Variants in TFCP2 observed in about 807,000 individuals in gnomAD.
The protein encoded by TFCP2 is alpha-globin transcription factor CP2.
TFCP2 carries 33 observed loss-of-function variants against 73.4 expected under a neutral mutation model. That is an observed-to-expected ratio of 0.45 (90% CI 0.34 to 0.60). The LOEUF (loss-of-function observed/expected upper bound fraction) is 0.60, where lower values mean the gene tolerates loss of function less well. Among genes scored for constraint, TFCP2 ranks in the 20% least tolerant of loss-of-function variants. The pLI is 0.01. For missense variants in TFCP2, 352 were observed against 604.0 expected (o/e 0.58, Z 4.37); for synonymous variants, 193 against 211.6 (o/e 0.91, Z 0.76).
Position 51,099,867 on chromosome 12 carries a change from CG to C in TFCP2, c.1152-89del. 3 of 1,477,158 alleles carry C rather than the reference CG, an allele frequency of 2.0e-6. No homozygotes were observed. The African/African-American group carries it at 4.2e-5, about 21-fold the overall frequency. The allele number at this position is 1,477,158 out of a possible 1,614,324, so 91.5% of individuals were successfully genotyped here. On this transcript the variant is annotated intron_variant, in intron 11 of 14. Coordinates refer to ENST00000257915, the MANE Select transcript of TFCP2 (RefSeq NM_005653.5). ...GGAGAAATTGTGTTTCTACATTAAT[CG>C]TATAGAGCAGATGAAAATTGGAAGC...
At chr12:51,107,795 G>A (rs929481517) in intron 6 of TFCP2, among the ~76,000 whole-genome samples, 1 of 151,672 alleles carries the variant, frequency 6.6e-6, no homozygotes, top group African/African-American at 2.4e-5. Flanking sequence ...TAGTAGAGAC[G>A]GGGTTTCACC....
chr12:51,135,946 T>A (rs951599805), intron 1 of TFCP2, among the ~76,000 whole-genome samples: 3 of 152,070 alleles, frequency 2.0e-5, no homozygotes, highest in African/African-American at 7.2e-5. Flanking sequence ...CATCAAATAG[T>A]CTTTGAGCAC....
chr12:51,115,054 T>C (rs1592799190), intron 4 of TFCP2, among the ~76,000 whole-genome samples: 1 of 15,966 alleles, frequency 6.3e-5, no homozygotes, highest in Admixed American at 1.2e-3. Context: ...AGAGCGAAAC[T>C]CCATCTCAGG....
intron 1 of TFCP2, among the ~76,000 whole-genome samples, chr12:51,165,665 G>T (rs1941742630): frequency 6.6e-6 from 1 of 152,152 alleles, no homozygotes; most frequent in Non-Finnish European, 1.5e-5. Flanking sequence ...AAAAAGTTCT[G>T]AAGACAGATC....
chr12:51,149,616 T>G (rs867547364), intron 1 of TFCP2, among the ~76,000 whole-genome samples: 2 of 152,180 alleles, frequency 1.3e-5, no homozygotes, highest in Non-Finnish European at 2.9e-5. Context: ...TTCTTTTTTT[T>G]CGAGATGGAG....
At chr12:51,114,834 C>T (rs776344489) in intron 4 of TFCP2, among the ~76,000 whole-genome samples, 5 of 151,266 alleles carry the variant, frequency 3.3e-5, no homozygotes, top group East Asian at 2.0e-4. Flanking sequence ...GAGGCCGAGG[C>T]GGGCAGATCA....
chr12:51,127,510 A>T (rs184392338), intron 1 of TFCP2, among the ~76,000 whole-genome samples: 2 of 152,350 alleles, frequency 1.3e-5, no homozygotes, highest in East Asian at 3.9e-4. Flanking sequence ...TCAAGAAGGA[A>T]GCTGAAGCTG....
chr12:51,115,011 A>T (rs1940490053), intron 4 of TFCP2, among the ~76,000 whole-genome samples: 1 of 125,786 alleles, frequency 8.0e-6, no homozygotes, highest in African/African-American at 2.9e-5. Flanking sequence ...TGGTGAGTTG[A>T]TATCGCGCCA....
chr12:51,151,249 C>G (rs955717252), intron 1 of TFCP2, among the ~76,000 whole-genome samples: 2 of 152,160 alleles, frequency 1.3e-5, no homozygotes, highest in African/African-American at 4.8e-5. Context: ...GGATCCTTGA[C>G]AGACCTGTGG....
In TFCP2 at chr12:51,115,433, T is replaced by C. The variant is rs1402351019; in HGVS notation, c.457+882A>G. Among the ~76,000 whole-genome samples, 4 of 152,218 alleles carry C rather than the reference T, an allele frequency of 2.6e-5. No individual in the cohort carries two copies. In the East Asian group the frequency reaches 5.8e-4, roughly 22 times the overall value. On this transcript the variant is annotated intron_variant, in intron 4 of 14. Transcript: ENST00000257915. ...TCGCGCCCGGCCGAAATTGGAACCT[T>C]TGAGTACCGCTGGTAGAAATGTAAA...
intron 1 of TFCP2, chr12:51,125,271 C>A (rs1335416647): frequency 5.3e-6 from 3 of 570,434 alleles, no homozygotes; most frequent in African/African-American, 1.9e-5. Context: ...AATGTCCTGT[C>A]ATTTTTGTCC....
chr12:51,109,382 A>G, intron 5 of TFCP2, 109 bp from the exon 6 acceptor site: 1 of 1,087,146 alleles, frequency 9.2e-7, no homozygotes, highest in Non-Finnish European at 1.3e-6. Flanking sequence ...CATTATGAAT[A>G]CCTACAAAAA....
Position 51,172,345 on chromosome 12 carries a change from C to A in TFCP2, c.78G>T (p.Leu26=), listed in dbSNP as rs1458397236. ...SGLVQDFDAS[L]SGIGQELGAG... ...CACCCAGTTCCTGGCCGATCCCGGA[C>A]AGGCTAGCATCAAAGTCCTGCACCA... Residue 26 remains leucine, a synonymous_variant, in exon 1 of 15, where the codon CTG becomes CTT. Transcript: ENST00000257915. 21 of 1,614,064 alleles carry A rather than the reference C, an allele frequency of 1.3e-5. No individual in the cohort carries two copies. Among genetic ancestry groups the A allele is most frequent in the Non-Finnish European group, 1.7e-6 (2 of 1,180,046 alleles).
At chr12:51,143,221 CTA>C (rs1310555567) in intron 1 of TFCP2, among the ~76,000 whole-genome samples, 1 of 151,538 alleles carries the variant, frequency 6.6e-6, no homozygotes, top group Non-Finnish European at 1.5e-5. Context: ...TATTTAATAC[CTA>C]CCTAACACTG....
At chr12:51,121,748 G>A (rs1356333335) in intron 1 of TFCP2, among the ~76,000 whole-genome samples, 3 of 151,870 alleles carry the variant, frequency 2.0e-5, no homozygotes, top group African/African-American at 7.3e-5. Context: ...TTATAGGCAT[G>A]AGCCACCACA....
At chr12:51,106,471 T>C (rs1940245417) in intron 8 of TFCP2, 54 bp downstream of exon 8, 1 of 1,335,262 alleles carries the variant, frequency 7.5e-7, no homozygotes, top group African/African-American at 1.5e-5. Context: ...GAACAGGTAA[T>C]GAAAGAATAT....
intron 1 of TFCP2, among the ~76,000 whole-genome samples, chr12:51,159,456 A>G (rs1008194984): frequency 3.3e-5 from 5 of 151,584 alleles, no homozygotes; most frequent in African/African-American, 1.2e-4. Context: ...CTCATGCCTC[A>G]GCCGCCCAAG....
chr12:51,103,740 A>T lies in TFCP2; in HGVS notation c.990T>A (p.Pro330=). The T allele has an allele frequency of 6.2e-7, 1 of 1,613,964 alleles. No individual in the cohort carries two copies. Among genetic ancestry groups the T allele is most frequent in the Non-Finnish European group, 8.5e-7 (1 of 1,179,960 alleles). The stretch of plus-strand genomic sequence containing the variant: ...GATGCAACCACTGCTGAGCTTCCTG[A>T]GGTGTGGTTGTTGGTAAGAGGTTCT... ...VTDNLLPTTT[P]QEAQQWLHRN... The change falls in exon 10 of 15, where the codon CCT becomes CCA. Residue 330 remains proline, a synonymous_variant. Coordinates refer to ENST00000257915, the MANE Select transcript of TFCP2 (RefSeq NM_005653.5).
At chr12:51,121,639 T>C (rs1417380093) in intron 1 of TFCP2, among the ~76,000 whole-genome samples, 1 of 151,408 alleles carries the variant, frequency 6.6e-6, no homozygotes, top group East Asian at 2.0e-4. Flanking sequence ...CTAACTTTTG[T>C]ATTTTTAGTA....
Sources: gnomAD v4.1 joint callset for allele counts (sites outside exome capture counted in the v4.1 genomes callset) on GRCh38, gnomAD v4.1.1 for gene constraint, MANE v1.5 for transcripts, NCBI Gene and HGNC (gene_info 2026-07-23, HGNC 2026-07-21) for gene names.